The following PRKDC variants were observed in gnomAD, a reference collection of about 807,000 sequenced individuals.
PRKDC encodes DNA-dependent protein kinase catalytic subunit.
PRKDC carries 82 observed loss-of-function variants against 486.9 expected under a neutral mutation model. The ratio of observed to expected loss-of-function variants is 0.17; its 90% CI spans 0.14 to 0.20. PRKDC has a LOEUF of 0.20. Ranked by LOEUF, PRKDC falls within the 10% of genes least tolerant of loss-of-function variation. PRKDC has a pLI of 1.00. For synonymous variants in PRKDC, 1,895 were observed against 1,837.0 expected (o/e 1.03, Z -0.81); for missense variants, 4,504 against 5,038.2 (o/e 0.89, Z 3.21).
Position 47,837,399 on chromosome 8 carries a change from C to T in PRKDC, c.7574G>A (p.Trp2525Ter). 1 of 1,609,244 alleles carries T rather than the reference C, an allele frequency of 6.2e-7. No individual in the cohort carries two copies. The highest frequency in any genetic ancestry group is 8.5e-7 in the Non-Finnish European group (1 of 1,175,986). ...TGAAGGTAACCTAGTTTCATGGCTC[C>T]AGAAATTTCGAATAATTAATCTGAA... The part of the protein sequence containing the change: ...PGLQLIIRNF[W>*]SHETRLPSNT... Residue 2525 changes from tryptophan to a stop codon, truncating the protein, a stop_gained, in exon 57 of 86, where the codon TGG becomes TAG. Coordinates refer to ENST00000314191, the MANE Select transcript of PRKDC (RefSeq NM_006904.7). LOFTEE classifies it high-confidence loss of function.
chr8:47,793,262 G>GA (rs898668031), intron 74 of PRKDC, among the ~76,000 whole-genome samples: 5 of 152,174 alleles, frequency 3.3e-5, no homozygotes, highest in Admixed American at 6.6e-5. Flanking sequence ...TCTGTTCAGA[G>GA]AAACAGTATG....
intron 54 of PRKDC, among the ~76,000 whole-genome samples, chr8:47,841,047 C>T (rs774850021): frequency 1.3e-5 from 2 of 152,134 alleles, no homozygotes; most frequent in East Asian, 1.9e-4. Flanking sequence ...GCACAGTCTC[C>T]GGGTGCCAGG....
At chr8:47,894,007 G>T (rs1417826126) in intron 30 of PRKDC, among the ~76,000 whole-genome samples, 1 of 152,154 alleles carries the variant, frequency 6.6e-6, no homozygotes, top group Admixed American at 6.5e-5. Context: ...TCAGCCGGGG[G>T]TGGTGGCTCA....
chr8:47,822,839 C>T (rs911428078), intron 64 of PRKDC, among the ~76,000 whole-genome samples: 1 of 152,102 alleles, frequency 6.6e-6, no homozygotes, highest in African/African-American at 2.4e-5. Flanking sequence ...TCTCACAGGT[C>T]ACAGACCCTG....
chr8:47,893,593 C>A (rs1426951794), intron 30 of PRKDC, among the ~76,000 whole-genome samples: 3 of 152,184 alleles, frequency 2.0e-5, no homozygotes, highest in African/African-American at 7.2e-5. Flanking sequence ...AATAGTTGGA[C>A]ACCATTTGGA....
At chr8:47,831,223 G>A (rs1006814059) in intron 60 of PRKDC, among the ~76,000 whole-genome samples, 2 of 152,228 alleles carry the variant, frequency 1.3e-5, no homozygotes, top group African/African-American at 2.4e-5. Context: ...CAGGGCTTGG[G>A]GAGGGGGCCG....
intron 48 of PRKDC, among the ~76,000 whole-genome samples, chr8:47,857,525 G>A (rs1243431188): frequency 6.6e-6 from 1 of 152,196 alleles, no homozygotes; most frequent in Non-Finnish European, 1.5e-5. Context: ...ATACAAGGGG[G>A]AAGATGAGGT....
rs373351543 is a variant in PRKDC, at chr8:47,900,484, A to G, written c.3270-17T>C. On this transcript the variant is annotated splice_polypyrimidine_tract_variant and intron_variant, in intron 27 of 85. Coordinates refer to ENST00000314191, the MANE Select transcript of PRKDC (RefSeq NM_006904.7). ...TCTTCTTCCCTGTAAAATAAAGAAT[A>G]GGAAACCTCACCTAAGAAAACAATA... is the stretch of plus-strand genomic sequence containing the variant. 3.7e-4 allele frequency: 585 copies of G among 1,571,726 alleles called. No homozygotes were observed. Among genetic ancestry groups the G allele is most frequent in the Non-Finnish European group, 4.7e-4 (546 of 1,152,490 alleles).
chr8:47,888,635 A>G lies in PRKDC; in HGVS notation c.4296T>C (p.Cys1432=), dbSNP rs1172556630. Reference sequence around the variant, plus strand: ...CGTCAGGGCCATACAAGTTGACGGCACAAAGCTCCTCAATGCTGGCCATGT... The same window carrying G: ...CGTCAGGGCCATACAAGTTGACGGCGCAAAGCTCCTCAATGCTGGCCATGT... ...KITAQSIEEL[C]AVNLYGPDAQ... is the part of the protein sequence containing the mutation. The change falls in exon 34 of 86, where the codon TGT becomes TGC. Residue 1432 remains cysteine (C), a synonymous_variant. Transcript: ENST00000314191. 6.3e-7 allele frequency: 1 copy of G among 1,590,506 alleles called. No individual in the cohort carries two copies. The highest frequency in any genetic ancestry group is 8.6e-7 in the Non-Finnish European group (1 of 1,169,090).
chr8:47,888,393 G>A (rs951404796), intron 34 of PRKDC, 125 bp downstream of exon 34: 5 of 773,682 alleles, frequency 6.5e-6, no homozygotes, highest in Non-Finnish European at 9.4e-6. Flanking sequence ...TCTTGAGCAA[G>A]TATTTCTATA....
At chr8:47,936,626 CTTT>C in intron 11 of PRKDC, 109 bp from the exon 12 acceptor site, 1 of 1,134,484 alleles carries the variant, frequency 8.8e-7, no homozygotes, top group Non-Finnish European at 1.2e-6. Flanking sequence ...AACAAGGCTT[CTTT>C]TTTTTTTGAG....
At chr8:47,854,737 T>C (rs773020048) in intron 50 of PRKDC, among the ~76,000 whole-genome samples, 22 of 152,218 alleles carry the variant, frequency 1.4e-4, no homozygotes, top group Non-Finnish European at 2.6e-4. Flanking sequence ...CAGAAATGCT[T>C]TCTTTTTCTT....
At chr8:47,891,613 G>C (rs1245565033) in intron 31 of PRKDC, among the ~76,000 whole-genome samples, 1 of 152,000 alleles carries the variant, frequency 6.6e-6, no homozygotes, top group South Asian at 2.1e-4. Context: ...CCAGCTACTA[G>C]GGAGGCTGAG....
rs1304822246 is a variant in PRKDC at position 47,893,031 on chromosome 8, GTGCA to G, written c.3847+104_3847+107del. On this transcript the variant is annotated intron_variant, in intron 31 of 85. Coordinates refer to ENST00000314191, the MANE Select transcript of PRKDC (RefSeq NM_006904.7). ...GTGACATGAAAGCACGGGCAAGGTG[GTGCA>G]CAGCACCTACCATCATGTCGCTGGG... 25 of 1,319,746 alleles carry G rather than the reference GTGCA, an allele frequency of 1.9e-5. No individual in the cohort carries two copies. The African/African-American group carries it at 3.6e-4, about 19-fold the overall frequency. 81.8% of individuals were successfully genotyped at this position (1,319,746 alleles called of 1,614,324 possible).
chr8:47,850,740 G>C (rs539264759), intron 52 of PRKDC, among the ~76,000 whole-genome samples: 7 of 152,352 alleles, frequency 4.6e-5, no homozygotes, highest in Admixed American at 2.0e-4. Context: ...CAGAGACCAA[G>C]AACAGTGGAG....
At position 47,799,300 on chromosome 8, in the gene PRKDC, A is replaced by G. The variant is rs544246756; in HGVS notation, c.10207T>C (p.Cys3403Arg). 1.2e-6 allele frequency: 2 copies of G among 1,613,572 alleles called. No homozygotes were observed. Among genetic ancestry groups the G allele is most frequent in the Admixed American group, 1.7e-5 (1 of 60,004 alleles). Residue 3403 changes from cysteine (C) to arginine (R), a missense_variant, in exon 72 of 86, where the codon TGT (cysteine) becomes CGT (arginine). Cys to Arg is a radical substitution (Grantham distance 180). Around this residue, in one of 6 missense-constraint regions of PRKDC, gnomAD observed 706 missense variants for 945.0 expected, o/e 0.75. Coordinates refer to ENST00000314191, the MANE Select transcript of PRKDC (RefSeq NM_006904.7). Reference sequence around the variant, plus strand: ...TCAATCACCCCAGCTGCAGGCCCACAGCTCCAGGAGGGAGGCTGGGCCTCC... The same window carrying G: ...TCAATCACCCCAGCTGCAGGCCCACGGCTCCAGGAGGGAGGCTGGGCCTCC... ...EEEAQPPSWS[C>R]GPAAGVIDAY... is the part of the protein sequence containing the mutation.
At chr8:47,851,030 G>T (rs2088391457) in intron 52 of PRKDC, among the ~76,000 whole-genome samples, 1 of 152,120 alleles carries the variant, frequency 6.6e-6, no homozygotes, top group Admixed American at 6.5e-5. Context: ...GGCTGGTCTT[G>T]AACTCCTGAC....
At chr8:47,938,787 C>T (rs1399908321) in intron 11 of PRKDC, among the ~76,000 whole-genome samples, 1 of 152,140 alleles carries the variant, frequency 6.6e-6, no homozygotes, top group East Asian at 1.9e-4. Flanking sequence ...GTCTCAAACC[C>T]CTGACCTCAG....
intron 40 of PRKDC, among the ~76,000 whole-genome samples, chr8:47,876,213 T>C (rs747485488): frequency 2.0e-5 from 3 of 152,224 alleles, no homozygotes; most frequent in African/African-American, 7.2e-5. Flanking sequence ...TGGAACTATA[T>C]ACTTACAGTG....
Sources: gnomAD v4.1 joint callset for allele counts (sites outside exome capture counted in the v4.1 genomes callset) on GRCh38, gnomAD v4.1.1 for gene constraint, gnomAD v4.1.1 regional missense constraint, MANE v1.5 for transcripts, NCBI Gene and HGNC (gene_info 2026-07-23, HGNC 2026-07-21) for gene names.